Variants in RPS6KA6 observed in about 807,000 individuals in gnomAD.
RPS6KA6 encodes ribosomal protein S6 kinase alpha-6.
A neutral mutation model predicts 65.4 loss-of-function variants in RPS6KA6; 27 were observed. That is an observed-to-expected ratio of 0.41 (90% CI 0.30 to 0.57). RPS6KA6 has a LOEUF of 0.57. Ranked by LOEUF, RPS6KA6 falls within the 20% of genes least tolerant of loss-of-function variation. RPS6KA6 has a pLI of 0.24. For missense variants in RPS6KA6, 486 were observed against 555.6 expected (o/e 0.87, Z 1.26); for synonymous variants, 190 against 184.2 (o/e 1.03, Z -0.26).
intron 1 of RPS6KA6, among the ~76,000 whole-genome samples, chrX:84,176,189 G>A (rs1319170408): frequency 3.6e-5 from 4 of 112,169 alleles, no homozygotes; most frequent in Non-Finnish European, 7.5e-5. Context: ...TGTTTACTCT[G>A]CTTAGCTGAA....
chrX:84,137,526 C>T (rs1021266426), intron 6 of RPS6KA6, among the ~76,000 whole-genome samples: 1 of 111,317 alleles, frequency 9.0e-6, no homozygotes, highest in African/African-American at 3.3e-5. Context: ...AGATTCCTGA[C>T]ATACACGATA....
rs750748881 is a variant in RPS6KA6 at position 84,094,418 on chromosome X, G to A, written c.1971+1776C>T. On this transcript the variant is annotated intron_variant, in intron 20 of 21. Transcript: ENST00000262752. ...AGCACTTTGGGAGGCCGAGGCAGGC[G>A]GATCACGAGGTCAGGAGATCGAGAC... is the stretch of plus-strand genomic sequence containing the variant. Among the ~76,000 whole-genome samples, 10 of 108,667 alleles carry A rather than the reference G, an allele frequency of 9.2e-5. No homozygotes were observed. The South Asian group carries it at 2.0e-3, about 22-fold the overall frequency. The allele number at this position is 108,667 out of a possible 115,157, so 94.4% of individuals were successfully genotyped here.
chrX:84,154,577 T>C lies in RPS6KA6; in HGVS notation c.258+1498A>G, dbSNP rs539672701. Among the ~76,000 whole-genome samples, 27 of 111,471 alleles carry C rather than the reference T, an allele frequency of 2.4e-4. No individual in the cohort carries two copies. In the South Asian group the frequency reaches 8.5e-3, roughly 35 times the overall value. On this transcript the variant is annotated intron_variant, in intron 3 of 21. Transcript: ENST00000262752. ...AATAGCTAAAAGAATATTACACTTT[T>C]AGAAACTTTAAAATAAAGTTGTATA...
chrX:84,111,513 C>A (rs2034470124), intron 12 of RPS6KA6, among the ~76,000 whole-genome samples: 1 of 111,734 alleles, frequency 8.9e-6, no homozygotes, highest in Non-Finnish European at 1.9e-5. Context: ...TTTTAACAAG[C>A]CAGAAGAGAA....
intron 20 of RPS6KA6, among the ~76,000 whole-genome samples, chrX:84,093,327 GT>G (rs1264258875): frequency 8.9e-6 from 1 of 112,066 alleles, no homozygotes; most frequent in Non-Finnish European, 1.9e-5. Flanking sequence ...AGTTTAAGAG[GT>G]TATGGGAAAC....
At chrX:84,089,525 A>G (rs1391867688) in intron 20 of RPS6KA6, among the ~76,000 whole-genome samples, 1 of 111,172 alleles carries the variant, frequency 9.0e-6, no homozygotes, top group Non-Finnish European at 1.9e-5. Context: ...GGGTCTCTGT[A>G]TGTGCCTCAG....
intron 3 of RPS6KA6, among the ~76,000 whole-genome samples, chrX:84,154,388 T>C (rs2035379448): frequency 9.0e-6 from 1 of 111,309 alleles, no homozygotes; most frequent in South Asian, 3.7e-4. Flanking sequence ...TATGAGTAAA[T>C]ACATACATCA....
intron 8 of RPS6KA6, among the ~76,000 whole-genome samples, chrX:84,127,148 A>G (rs1327460799): frequency 9.0e-6 from 1 of 111,321 alleles, no homozygotes; most frequent in Non-Finnish European, 1.9e-5. Context: ...TGAAAAAGGA[A>G]ATATTACGAC....
intron 20 of RPS6KA6, among the ~76,000 whole-genome samples, chrX:84,065,801 C>T (rs1453736438): frequency 8.9e-6 from 1 of 112,007 alleles, no homozygotes; most frequent in Non-Finnish European, 1.9e-5. Context: ...GAAGTAAACT[C>T]CTTAATAAGC....
At position 84,117,327 on chromosome X, in the gene RPS6KA6, C is replaced by G. The variant is rs2034587419; in HGVS notation, c.860+57G>C. 5.9e-6 allele frequency: 5 copies of G among 845,770 alleles called. No individual in the cohort carries two copies. The East Asian group carries it at 1.7e-4, about 29-fold the overall frequency. The allele number at this position is 845,770 out of a possible 1,213,427, so 69.7% of individuals were successfully genotyped here. ...TATTTTAAAACCGCAATAATTTTTT[C>G]AAAACTGAAAGCAAGAGATTTTTTT... On this transcript the variant is annotated intron_variant, in intron 10 of 21. Coordinates refer to ENST00000262752, the MANE Select transcript of RPS6KA6 (RefSeq NM_014496.5).
chrX:84,151,949 T>C (rs1016744159), intron 3 of RPS6KA6, among the ~76,000 whole-genome samples: 7 of 111,048 alleles, frequency 6.3e-5, no homozygotes, highest in Non-Finnish European at 1.1e-4. Flanking sequence ...TGTCCAGGGG[T>C]ACGGAGACCA....
Position 84,063,524 on chromosome X carries a change from G to T in RPS6KA6, c.*753C>A, listed in dbSNP as rs1248819406. On this transcript the variant is annotated 3_prime_UTR_variant, in exon 22 of 22. Transcript: ENST00000262752. ...ATTACACCAACAGTATAAAGCCTTT[G>T]GAAAAAAAAAAAGTTTCACTTGTAC... 9.2e-6 allele frequency: 1 copy of T among 108,947 alleles called. No individual in the cohort carries two copies. The highest frequency in any genetic ancestry group is 3.3e-5 in the African/African-American group (1 of 29,956). 9.0% of individuals were successfully genotyped at this position (108,947 alleles called of 1,213,427 possible). A position where few individuals can be genotyped will look rare whatever the true frequency, so the allele number is the denominator to read the frequency against.
chrX:84,092,596 T>C (rs939020301), intron 20 of RPS6KA6, among the ~76,000 whole-genome samples: 8 of 107,513 alleles, frequency 7.4e-5, no homozygotes, highest in Admixed American at 1.0e-4. Context: ...CACTGCAGCC[T>C]GGCGACAGAG....
intron 1 of RPS6KA6, among the ~76,000 whole-genome samples, chrX:84,185,548 C>G (rs2035917272): frequency 8.9e-6 from 1 of 111,963 alleles, no homozygotes; most frequent in African/African-American, 3.2e-5. Flanking sequence ...CAAAGGTTAA[C>G]AACTGTCCAT....
Position 84,061,115 on chromosome X carries a change from G to C in RPS6KA6, c.*3162C>G, listed in dbSNP as rs1052402964. On this transcript the variant is annotated 3_prime_UTR_variant, in exon 22 of 22. Coordinates refer to ENST00000262752, the MANE Select transcript of RPS6KA6 (RefSeq NM_014496.5). The stretch of plus-strand genomic sequence containing the variant: ...GCATGAAGGGGCTGGAAAGCCAGGA[G>C]AAAGAGAATGTACAGAATACCACAA... The C allele has an allele frequency of 8.9e-6, 1 of 112,219 alleles. No homozygotes were observed. The highest frequency in any genetic ancestry group is 1.9e-5 in the Non-Finnish European group (1 of 53,212). The allele number at this position is 112,219 out of a possible 1,213,427, so 9.2% of individuals were successfully genotyped here.
At position 84,061,743 on chromosome X, in the gene RPS6KA6, A is replaced by G. The variant is rs6622898; in HGVS notation, c.*2534T>C. On this transcript the variant is annotated 3_prime_UTR_variant, in exon 22 of 22. Transcript: ENST00000262752. The stretch of plus-strand genomic sequence containing the variant: ...TAAATACTACCAAAAACCATTAACT[A>G]GAAAAACACAATGCAAAATCATTAT... The G allele has an allele frequency of 2.7e-5, 3 of 112,101 alleles. No individual in the cohort carries two copies. The highest frequency in any genetic ancestry group is 5.6e-4 in the East Asian group (2 of 3,584). 9.2% of individuals were successfully genotyped at this position (112,101 alleles called of 1,213,427 possible).
At chrX:84,113,431 C>A (rs2034503718) in intron 12 of RPS6KA6, among the ~76,000 whole-genome samples, 1 of 111,673 alleles carries the variant, frequency 9.0e-6, no homozygotes, top group Non-Finnish European at 1.9e-5. Context: ...ACTAGCAAAC[C>A]AAATCCAACA....
At chrX:84,131,147 G>A (rs2147504278) in intron 8 of RPS6KA6, among the ~76,000 whole-genome samples, 1 of 111,345 alleles carries the variant, frequency 9.0e-6, no homozygotes, top group African/African-American at 3.3e-5. Context: ...GTCAAGACAC[G>A]GGATAGTCCC....
intron 8 of RPS6KA6, among the ~76,000 whole-genome samples, chrX:84,123,649 T>G (rs2034720709): frequency 8.9e-6 from 1 of 112,259 alleles, no homozygotes; most frequent in South Asian, 3.7e-4. Flanking sequence ...GATTATGGTC[T>G]GAGTGCCAGC....
Sources: allele counts gnomAD v4.1 joint callset (sites outside exome capture counted in the v4.1 genomes callset), GRCh38; gene constraint gnomAD v4.1.1; transcripts MANE v1.5; gene names NCBI Gene and HGNC (gene_info 2026-07-23, HGNC 2026-07-21).